The following TEX14 variants were observed in gnomAD, a reference collection of about 807,000 sequenced individuals.
TEX14 encodes the protein testis expressed 14, intercellular bridge forming factor.
TEX14 carries 168 observed loss-of-function variants against 178.6 expected under a neutral mutation model. The ratio of observed to expected loss-of-function variants is 0.94; its 90% CI spans 0.83 to 1.07. The LOEUF is 1.07. Ranked by LOEUF, TEX14 falls within the 50% of genes least tolerant of loss-of-function variation. The pLI is 0.00. For synonymous variants in TEX14, 626 were observed against 634.1 expected, an observed-to-expected ratio of 0.99 and a Z score of 0.19; for missense variants, 1,730 against 1,753.6, an observed-to-expected ratio of 0.99 and a Z score of 0.24.
intron 4 of TEX14, 149 bp downstream of exon 4, chr17:58,622,698 T>C: frequency 5.8e-6 from 4 of 694,510 alleles, no homozygotes; most frequent in Non-Finnish European, 8.8e-6. Context: ...GCCGGAAGTT[T>C]CGCAGCTGGC....
intron 2 of TEX14, among the ~76,000 whole-genome samples, chr17:58,648,383 T>C (rs2143219006): frequency 6.6e-6 from 1 of 152,284 alleles, no homozygotes; most frequent in South Asian, 2.1e-4. Context: ...ACAGGTAGAA[T>C]CCCCTTAGAT....
intron 10 of TEX14, among the ~76,000 whole-genome samples, chr17:58,605,507 G>T (rs572219364): frequency 6.6e-6 from 1 of 152,204 alleles, no homozygotes; most frequent in Non-Finnish European, 1.5e-5. Flanking sequence ...CAATGAGCTA[G>T]TCCACACTGC....
intron 3 of TEX14, among the ~76,000 whole-genome samples, chr17:58,625,025 G>A (rs1330455155): frequency 2.0e-5 from 3 of 152,240 alleles, no homozygotes; most frequent in African/African-American, 7.2e-5. Flanking sequence ...CCACTGCTGG[G>A]CAGAGAAGCA....
At chr17:58,648,032 A>G (rs902141603) in intron 2 of TEX14, 1 of 152,384 alleles carries the variant, frequency 6.6e-6, no homozygotes, top group Non-Finnish European at 1.5e-5. Flanking sequence ...GCACTGCAGG[A>G]TGCAGCAATG....
chr17:58,650,379 T>C (rs2046815152), intron 2 of TEX14, among the ~76,000 whole-genome samples: 1 of 152,124 alleles, frequency 6.6e-6, no homozygotes, highest in Non-Finnish European at 1.5e-5. Flanking sequence ...CAACGTTTTA[T>C]TTTAAAACAT....
At chr17:58,666,835 T>A (rs920536148) in intron 1 of TEX14, 14 of 152,212 alleles carry the variant, frequency 9.2e-5, no homozygotes, top group African/African-American at 3.4e-4. Context: ...TATATCTTGG[T>A]GTTGGTAACA....
chr17:58,631,746 T>A (rs9889281), intron 2 of TEX14: 3 of 103,710 alleles, frequency 2.9e-5, no homozygotes, highest in African/African-American at 6.4e-5. Context: ...AGAACACAAA[T>A]ATCTCCCTCT....
At position 58,577,398 on chromosome 17, in the gene TEX14, C is replaced by A; in HGVS notation, c.3297G>T (p.Arg1099Ser). ...ACCTTCGTACAGGTTGAAATTGAGA[C>A]CTGGGCAAAATCTCAGCATTCTTTC... ...ILGKNAEILP[R>S]SQFQPVRSTE... Residue 1099 changes from arginine (R) to serine (S), a missense_variant, in exon 21 of 32, where the codon AGG becomes AGT. Coordinates refer to ENST00000349033, the MANE Select transcript of TEX14 (RefSeq NM_031272.5). 6.7e-7 allele frequency: 1 copy of A among 1,501,694 alleles called. No individual in the cohort carries two copies. Among genetic ancestry groups the A allele is most frequent in the Non-Finnish European group, 8.9e-7 (1 of 1,119,130 alleles). The allele number at this position is 1,501,694 out of a possible 1,614,324, so 93.0% of individuals were successfully genotyped here.
chr17:58,644,014 C>T (rs887025647), intron 2 of TEX14, among the ~76,000 whole-genome samples: 33 of 151,044 alleles, frequency 2.2e-4, no homozygotes, highest in African/African-American at 8.0e-4. Flanking sequence ...TCTATTCACA[C>T]CTGTGTTACA....
intron 1 of TEX14, among the ~76,000 whole-genome samples, chr17:58,660,142 C>T (rs958506122): frequency 4.0e-5 from 6 of 151,052 alleles, no homozygotes; most frequent in African/African-American, 1.2e-4. Context: ...CGGTGGCTCA[C>T]GTCTGTAATC....
chr17:58,631,696 A>C (rs544475800), intron 2 of TEX14: 1 of 151,542 alleles, frequency 6.6e-6, no homozygotes, highest in Non-Finnish European at 1.5e-5. Context: ...AACAGCAGTT[A>C]GAATAACGCA....
At chr17:58,628,181 T>A (rs2046193781) in intron 3 of TEX14, among the ~76,000 whole-genome samples, 1 of 152,182 alleles carries the variant, frequency 6.6e-6, no homozygotes, top group African/African-American at 2.4e-5. Context: ...TCTGGTTACT[T>A]AATTCTCATA....
rs576022136 is a variant in TEX14 at position 58,586,027 on chromosome 17, A to G, written c.2844T>C (p.Pro948=). 77 of 1,614,034 alleles carry G rather than the reference A, an allele frequency of 4.8e-5. No homozygotes were observed. Among genetic ancestry groups the G allele is most frequent in the East Asian group, 1.3e-4 (6 of 44,894 alleles). The change falls in exon 18 of 32, where the codon CCT becomes CCC. Residue 948 remains proline, a synonymous_variant. Transcript: ENST00000349033. ...KAATGQLTVP[P]WHPQSSLTLE... ...AAGTCAGACTACTCTGAGGATGCCA[A>G]GGAGGTACTGTGAGCTGTCCAGTAG... is the stretch of plus-strand genomic sequence containing the variant.
chr17:58,659,589 G>T (rs1396009339), intron 1 of TEX14, among the ~76,000 whole-genome samples: 1 of 152,140 alleles, frequency 6.6e-6, no homozygotes, highest in African/African-American at 2.4e-5. Context: ...GGATCGGTTC[G>T]CTCTAGCTGC....
chr17:58,634,270 GGGCTT>G (rs1450814161), intron 2 of TEX14, among the ~76,000 whole-genome samples: 2 of 151,828 alleles, frequency 1.3e-5, no homozygotes, highest in African/African-American at 4.8e-5. Context: ...AAAATTAGCC[GGGCTT>G]GGTGGCACAT....
chr17:58,659,266 T>C (rs189940772), intron 1 of TEX14: 36 of 840,646 alleles, frequency 4.3e-5, no homozygotes, highest in Admixed American at 1.9e-4. Context: ...AAAAACACTT[T>C]ATCAGGACCA....
At chr17:58,563,664 G>T (rs867959152) in intron 28 of TEX14, among the ~76,000 whole-genome samples, 683 of 18,658 alleles carry the variant, frequency 0.037, no homozygotes, top group East Asian at 0.079. Flanking sequence ...TATATAGAGA[G>T]AGAGAGAGAG....
Position 58,611,283 on chromosome 17 carries a change from T to A in TEX14, c.1062A>T (p.Ile354=). The change falls in exon 10 of 32, where the codon ATA becomes ATT. Residue 354 remains isoleucine (I), a synonymous_variant. Coordinates refer to ENST00000349033, the MANE Select transcript of TEX14 (RefSeq NM_031272.5). ...AATGCAGGTATCTCAGGGCATCAGA[T>A]ATCTGGAGCAGCAGGTGCACAATCA... ...MEVIVHLLLQ[I]SDALRYLHFQ... The A allele has an allele frequency of 6.2e-7, 1 of 1,613,520 alleles. No homozygotes were observed. The highest frequency in any genetic ancestry group is 8.5e-7 in the Non-Finnish European group (1 of 1,179,618).
intron 24 of TEX14, among the ~76,000 whole-genome samples, chr17:58,571,241 T>TC (rs1427525139): frequency 6.7e-6 from 1 of 148,784 alleles, no homozygotes; most frequent in Non-Finnish European, 1.5e-5. Flanking sequence ...TTTTCTTTTT[T>TC]TTTTTTTTTT....
Sources: allele counts gnomAD v4.1 joint callset (sites outside exome capture counted in the v4.1 genomes callset), GRCh38; gene constraint gnomAD v4.1.1; transcripts MANE v1.5; gene names NCBI Gene and HGNC (gene_info 2026-07-23, HGNC 2026-07-21).